Variants in ZNF782 observed in about 807,000 individuals in gnomAD.
The protein encoded by ZNF782 is zinc finger protein 782.
ZNF782 carries 12 observed loss-of-function variants against 13.0 expected under a neutral mutation model. The ratio of observed to expected loss-of-function variants is 0.92; its 90% CI spans 0.59 to 1.50. The LOEUF (loss-of-function observed/expected upper bound fraction) is 1.50, where lower values mean the gene tolerates loss of function less well. ZNF782 is among the 40% of genes most tolerant of loss of function. The pLI, the probability that ZNF782 is intolerant of heterozygous loss-of-function variation, is 0.00. For synonymous variants in ZNF782, 284 were observed against 283.0 expected (o/e 1.00, Z -0.04); for missense variants, 770 against 822.9 (o/e 0.94, Z 0.79).
At chr9:96,887,331 A>AAGGGAGGGAGGGAGGGAGGGAGGG in the ZNF782 span, 1 of 140,790 alleles carries the variant, frequency 7.1e-6, no homozygotes, top group Admixed American at 6.8e-5. Flanking sequence ...GGAAGGAAGG[A>AAGGGAGGGAGGGAGGGAGGGAGGG]AGGAAGGAAG....
chr9:96,819,677 C>A lies in ZNF782; in HGVS notation c.346G>T (p.Glu116Ter), dbSNP rs749604795. 4 of 1,613,938 alleles carry A rather than the reference C, an allele frequency of 2.5e-6. No individual in the cohort carries two copies. The Admixed American group carries it at 5.0e-5, about 20-fold the overall frequency. ...CGATTATGTGGTTTTCCTGAAATTTCTTGCTCTGTAGTCAATAATTTATTG... is the reference window on the plus strand; with the variant it reads ...CGATTATGTGGTTTTCCTGAAATTTATTGCTCTGTAGTCAATAATTTATTG... ...FTNKLLTTEQ[E>*]ISGKPHNRDI... The change falls in exon 6 of 6, where the codon GAA becomes TAA. Residue 116 changes from glutamate (E) to a stop codon, truncating the protein, a stop_gained. Coordinates refer to ENST00000481138, the MANE Select transcript of ZNF782 (RefSeq NM_001001662.3). LOFTEE classifies it low-confidence loss of function (END_TRUNC).
At chr9:96,905,919 TTACTC>T in the ZNF782 span, among the ~76,000 whole-genome samples, 5 of 152,114 alleles carry the variant, frequency 3.3e-5, no homozygotes, top group East Asian at 9.7e-4. Flanking sequence ...TGCTTTCACT[TTACTC>T]TATGGACTTG....
chr9:96,903,692 A>G, the ZNF782 span, among the ~76,000 whole-genome samples: 1 of 149,114 alleles, frequency 6.7e-6, no homozygotes, highest in South Asian at 2.1e-4. Flanking sequence ...CCTCCCGAGT[A>G]GCTGTGACTA....
chr9:96,871,624 T>A (rs757745331), intron 1 of ZNF782, among the ~76,000 whole-genome samples: 3 of 152,200 alleles, frequency 2.0e-5, no homozygotes, highest in African/African-American at 7.2e-5. Flanking sequence ...ACTTGAGGCC[T>A]AGCATTGGAG....
chr9:96,844,491 ATAATT>A (rs547628852), intron 4 of ZNF782, among the ~76,000 whole-genome samples: 6 of 152,224 alleles, frequency 3.9e-5, no homozygotes, highest in South Asian at 2.1e-4. Flanking sequence ...AAGGGAGTAT[ATAATT>A]TATGATTCCA....
chr9:96,881,383 T>C, the ZNF782 span, among the ~76,000 whole-genome samples: 1 of 152,110 alleles, frequency 6.6e-6, no homozygotes, highest in Non-Finnish European at 1.5e-5. Flanking sequence ...TTTTCTAATA[T>C]AAACATTTAA....
At chr9:96,868,742 G>A (rs1192460205) in intron 1 of ZNF782, among the ~76,000 whole-genome samples, 2 of 152,076 alleles carry the variant, frequency 1.3e-5, no homozygotes, top group African/African-American at 2.4e-5. Flanking sequence ...TTCTTTCATC[G>A]ATAGGGTTCT....
the ZNF782 span, chr9:96,895,857 G>A: frequency 1.3e-5 from 2 of 152,206 alleles, no homozygotes; most frequent in Non-Finnish European, 2.9e-5. Flanking sequence ...CTGACCTGAA[G>A]AGTGAGGGCA....
At chr9:96,916,218 G>A in the ZNF782 span, among the ~76,000 whole-genome samples, 41 of 152,030 alleles carry the variant, frequency 2.7e-4, no homozygotes, top group African/African-American at 7.7e-4. Context: ...CTGGCCTGGC[G>A]CAATGGCTCA....
At chr9:96,870,891 C>T (rs1851817734) in intron 1 of ZNF782, among the ~76,000 whole-genome samples, 2 of 152,168 alleles carry the variant, frequency 1.3e-5, no homozygotes, top group African/African-American at 4.8e-5. Flanking sequence ...TCATTTTAAG[C>T]AAAAGCTTCT....
intron 1 of ZNF782, among the ~76,000 whole-genome samples, chr9:96,871,930 T>C (rs528929095): frequency 4.1e-4 from 63 of 152,330 alleles, no homozygotes; most frequent in Middle Eastern, 3.4e-3. Flanking sequence ...TTATTTTCTC[T>C]AGATGTGATA....
rs138363945 is a variant in ZNF782, at chr9:96,835,607, T to A, written c.143-8426A>T. Among the ~76,000 whole-genome samples, 471 of 152,288 alleles carry A rather than the reference T, an allele frequency of 3.1e-3. 4 individuals carry two copies. Among genetic ancestry groups the A allele is most frequent in the African/African-American group, 0.011 (447 of 41,566 alleles). Reference sequence around the variant, plus strand: ...CAGCTGAAACAGCCATGGGGTCAAGTGGCTCCAGTAAGGCTTGTGCTGCAT... The same window carrying A: ...CAGCTGAAACAGCCATGGGGTCAAGAGGCTCCAGTAAGGCTTGTGCTGCAT... On this transcript the variant is annotated intron_variant, in intron 4 of 5. Transcript: ENST00000481138.
At chr9:96,843,723 G>C (rs1444251588) in intron 4 of ZNF782, among the ~76,000 whole-genome samples, 1 of 152,162 alleles carries the variant, frequency 6.6e-6, no homozygotes, top group South Asian at 2.1e-4. Context: ...AACCTTTGGG[G>C]TAAGCTAAAG....
intron 4 of ZNF782, among the ~76,000 whole-genome samples, chr9:96,838,962 C>A (rs928126333): frequency 6.6e-6 from 1 of 152,066 alleles, no homozygotes; most frequent in African/African-American, 2.4e-5. Flanking sequence ...GATCCACCTA[C>A]CTCGGCCTCC....
chr9:96,816,981 C>T lies in ZNF782; in HGVS notation c.*942G>A, dbSNP rs913593281. ...AGTTTCTGTCAGTATCAAGTATACCCAAACCTTTAGAAGTTCAGCAGGGAA... is the reference window on the plus strand; with the variant it reads ...AGTTTCTGTCAGTATCAAGTATACCTAAACCTTTAGAAGTTCAGCAGGGAA... On this transcript the variant is annotated 3_prime_UTR_variant, in exon 6 of 6. Transcript: ENST00000481138. 1.4e-4 allele frequency: 22 copies of T among 152,152 alleles called. No homozygotes were observed. Among genetic ancestry groups the T allele is most frequent in the Non-Finnish European group, 3.1e-4 (21 of 68,040 alleles). The allele number at this position is 152,152 out of a possible 1,614,324, so 9.4% of individuals were successfully genotyped here. A position where few individuals can be genotyped will look rare whatever the true frequency, so the allele number is the denominator to read the frequency against.
chr9:96,854,914 T>G (rs1851619082), upstream of ZNF782, among the ~76,000 whole-genome samples: 1 of 152,054 alleles, frequency 6.6e-6, no homozygotes, highest in African/African-American at 2.4e-5. Flanking sequence ...TGTAGAAATT[T>G]TTTTTTTAAA....
upstream of ZNF782, among the ~76,000 whole-genome samples, chr9:96,879,851 C>T (rs1014804703): frequency 6.6e-6 from 1 of 152,166 alleles, no homozygotes. Context: ...TTGCTTAACT[C>T]ACTTATTCGT....
chr9:96,851,818 T>C, intron 3 of ZNF782, 129 bp downstream of exon 3: 1 of 958,062 alleles, frequency 1.0e-6, no homozygotes, highest in Non-Finnish European at 1.6e-6. Flanking sequence ...GCAGAGTTCA[T>C]GGTGAAACTG....
chr9:96,826,138 T>C (rs1371019419), intron 5 of ZNF782, among the ~76,000 whole-genome samples: 1 of 152,136 alleles, frequency 6.6e-6, no homozygotes, highest in African/African-American at 2.4e-5. Context: ...AGCAAAGACT[T>C]GGAACCAACC....
Sources: allele counts gnomAD v4.1 joint callset (sites outside exome capture counted in the v4.1 genomes callset), GRCh38; gene constraint gnomAD v4.1.1; transcripts MANE v1.5; gene names NCBI Gene and HGNC (gene_info 2026-07-23, HGNC 2026-07-21).